The following CNBD1 variants were observed in gnomAD, a reference collection of about 807,000 sequenced individuals.
The protein encoded by CNBD1 is cyclic nucleotide-binding domain-containing protein 1.
CNBD1 carries 71 observed loss-of-function variants against 54.4 expected under a neutral mutation model. That is an observed-to-expected ratio of 1.30 (90% CI 1.08 to 1.59). CNBD1 has a LOEUF of 1.59. Among genes scored for constraint, CNBD1 ranks in the 40% most tolerant of loss-of-function variants. The pLI is 0.00. For synonymous variants in CNBD1, 182 were observed against 170.7 expected (o/e 1.07, Z -0.51); for missense variants, 659 against 518.0 (o/e 1.27, Z -2.64).
At chr8:87,152,229 G>A (rs1160696298) in intron 4 of CNBD1, among the ~76,000 whole-genome samples, 1 of 152,066 alleles carries the variant, frequency 6.6e-6, no homozygotes, top group Non-Finnish European at 1.5e-5. Flanking sequence ...AGGGAGACAT[G>A]AGTATAGTTA....
At chr8:87,037,978 C>T (rs1389414323) in intron 4 of CNBD1, among the ~76,000 whole-genome samples, 1 of 152,212 alleles carries the variant, frequency 6.6e-6, no homozygotes, top group Admixed American at 6.5e-5. Flanking sequence ...AGTCTCCCAT[C>T]TGGTGGTGGA....
chr8:87,392,685 A>T (rs1340256218), intron 2 of CNBD1, among the ~76,000 whole-genome samples: 1 of 151,966 alleles, frequency 6.6e-6, no homozygotes, highest in African/African-American at 2.4e-5. Flanking sequence ...CTACTAAATC[A>T]TATGTGTTTC....
At chr8:87,177,697 C>T (rs1813227862) in intron 4 of CNBD1, among the ~76,000 whole-genome samples, 2 of 152,008 alleles carry the variant, frequency 1.3e-5, no homozygotes, top group African/African-American at 4.8e-5. Context: ...GAAGTTCTAA[C>T]TTTTTGTTTT....
At chr8:87,294,794 C>G (rs992017442) in intron 8 of CNBD1, among the ~76,000 whole-genome samples, 5 of 151,982 alleles carry the variant, frequency 3.3e-5, no homozygotes, top group African/African-American at 1.2e-4. Flanking sequence ...CTTTTTTCAG[C>G]TTTATCTGTA....
At chr8:87,022,817 A>G (rs540853115) in intron 4 of CNBD1, among the ~76,000 whole-genome samples, 1 of 152,320 alleles carries the variant, frequency 6.6e-6, no homozygotes, top group Non-Finnish European at 1.5e-5. Context: ...GCATTTTAAT[A>G]TTTTATTAGA....
At chr8:87,213,075 A>G (rs1346626271) in intron 5 of CNBD1, among the ~76,000 whole-genome samples, 4 of 152,220 alleles carry the variant, frequency 2.6e-5, no homozygotes, top group Non-Finnish European at 4.4e-5. Flanking sequence ...GAGAAGATAT[A>G]AAAATAGCCA....
At chr8:87,025,536 A>G (rs777865371) in intron 4 of CNBD1, among the ~76,000 whole-genome samples, 1 of 151,192 alleles carries the variant, frequency 6.6e-6, no homozygotes, top group Non-Finnish European at 1.5e-5. Flanking sequence ...CTGCAGCTTT[A>G]CTCTTGAAAT....
At chr8:87,085,426 G>A (rs776388405) in intron 4 of CNBD1, among the ~76,000 whole-genome samples, 19 of 151,954 alleles carry the variant, frequency 1.3e-4, no homozygotes, top group African/African-American at 4.6e-4. Context: ...AATTTATTGA[G>A]TCTTTTTTTT....
chr8:87,314,962 C>T (rs963785186), intron 8 of CNBD1, among the ~76,000 whole-genome samples: 3 of 151,928 alleles, frequency 2.0e-5, no homozygotes, highest in Non-Finnish European at 4.4e-5. Flanking sequence ...ATTAGCCCAA[C>T]GTAAACTTTA....
At position 87,069,899 on chromosome 8, in the gene CNBD1, T is replaced by C. The variant is rs139983180; in HGVS notation, c.431+130145T>C. Among the ~76,000 whole-genome samples, 247 of 152,238 alleles carry C rather than the reference T, an allele frequency of 1.6e-3. 1 individual carries two copies. Among genetic ancestry groups the C allele is most frequent in the Non-Finnish European group, 2.6e-3 (179 of 67,948 alleles). ...GTTCATGAATCCAGTTACTCATTCA[T>C]AATAGTGTGATACATACACAGCTAC... is the stretch of plus-strand genomic sequence containing the variant. On this transcript the variant is annotated intron_variant, in intron 4 of 10. Coordinates refer to ENST00000518476, the MANE Select transcript of CNBD1 (RefSeq NM_173538.3).
intron 4 of CNBD1, among the ~76,000 whole-genome samples, chr8:87,170,311 GTCTTTATATAA>G (rs1813059229): frequency 6.6e-6 from 1 of 152,014 alleles, no homozygotes; most frequent in Admixed American, 6.6e-5. Context: ...TTTTGGCAGA[GTCTTTATATAA>G]GATTATATAT....
intron 8 of CNBD1, among the ~76,000 whole-genome samples, chr8:87,328,732 A>G (rs1415820908): frequency 1.3e-5 from 2 of 152,142 alleles, no homozygotes; most frequent in Non-Finnish European, 2.9e-5. Flanking sequence ...CTTCTACTTC[A>G]TAAACATAGT....
At chr8:87,261,776 C>T (rs55676230) in intron 6 of CNBD1, among the ~76,000 whole-genome samples, 1 of 152,046 alleles carries the variant, frequency 6.6e-6, no homozygotes, top group South Asian at 2.1e-4. Context: ...TCCACAGGGA[C>T]TCAAATATAG....
intron 4 of CNBD1, among the ~76,000 whole-genome samples, chr8:87,194,342 C>G (rs1201160530): frequency 6.6e-6 from 1 of 152,182 alleles, no homozygotes; most frequent in African/African-American, 2.4e-5. Flanking sequence ...AGTTTTGAAT[C>G]ATTAAGACTT....
In CNBD1 at chr8:86,902,298, G is replaced by C. The variant is rs547000399; in HGVS notation, c.159-2783G>C. ...TTTAATATATACCTTTTTGGGAGTT[G>C]GGGGGGGAGCCATACAATCCATAGC... On this transcript the variant is annotated intron_variant, in intron 2 of 10. Transcript: ENST00000518476. Among the ~76,000 whole-genome samples the C allele has an allele frequency of 7.9e-5, 12 of 151,150 alleles. No homozygotes were observed. In the East Asian group the frequency reaches 2.1e-3, roughly 27 times the overall value.
chr8:87,039,364 T>C (rs6981699), intron 4 of CNBD1, among the ~76,000 whole-genome samples: 1 of 152,194 alleles, frequency 6.6e-6, no homozygotes, highest in Non-Finnish European at 1.5e-5. Context: ...TTATTCAGTA[T>C]GTTTGTACTC....
At chr8:87,108,522 C>T (rs1483681681) in intron 4 of CNBD1, among the ~76,000 whole-genome samples, 1 of 152,126 alleles carries the variant, frequency 6.6e-6, no homozygotes, top group Non-Finnish European at 1.5e-5. Context: ...TGTTTAAAAG[C>T]TTCACAGGTG....
At chr8:87,349,193 G>A (rs1368183337) in intron 8 of CNBD1, among the ~76,000 whole-genome samples, 1 of 152,002 alleles carries the variant, frequency 6.6e-6, no homozygotes, top group Admixed American at 6.6e-5. Flanking sequence ...TCTATATAAG[G>A]GAGGAGGAAA....
At chr8:87,360,110 A>G (rs1395418956) in intron 10 of CNBD1, among the ~76,000 whole-genome samples, 1 of 152,036 alleles carries the variant, frequency 6.6e-6, no homozygotes, top group Non-Finnish European at 1.5e-5. Context: ...GAATGAATCA[A>G]CAATATTTGG....
Sources: allele counts gnomAD v4.1 joint callset (sites outside exome capture counted in the v4.1 genomes callset), GRCh38; gene constraint gnomAD v4.1.1; transcripts MANE v1.5; gene names NCBI Gene and HGNC (gene_info 2026-07-23, HGNC 2026-07-21).